CDK7: variants seen among roughly 807,000 people sequenced by gnomAD.
CDK7 encodes cyclin dependent kinase 7.
Under a neutral mutation model 49.1 loss-of-function variants are expected in CDK7, and 25 were observed. That is an observed-to-expected ratio of 0.51 (90% CI 0.37 to 0.71). CDK7 has a LOEUF of 0.71. Ranked by LOEUF, CDK7 falls within the 30% of genes least tolerant of loss-of-function variation. The pLI is 0.00. For missense variants in CDK7, 316 were observed against 411.7 expected (o/e 0.77, Z 2.01); for synonymous variants, 107 against 140.0 (o/e 0.76, Z 1.67).
chr5:69,276,132 G>T (rs1316624149), intron 10 of CDK7, among the ~76,000 whole-genome samples: 1 of 152,036 alleles, frequency 6.6e-6, no homozygotes, highest in Non-Finnish European at 1.5e-5. Context: ...GGGTTCAAGC[G>T]ATTCTCCTAC....
intron 2 of CDK7, among the ~76,000 whole-genome samples, chr5:69,241,301 T>G (rs1749354646): frequency 7.1e-6 from 1 of 140,152 alleles, no homozygotes; most frequent in Admixed American, 7.7e-5. Context: ...TGCTCTCTCA[T>G]TGTAGGTTTT....
At chr5:69,244,094 A>C (rs2150188473) in intron 2 of CDK7, among the ~76,000 whole-genome samples, 2 of 152,178 alleles carry the variant, frequency 1.3e-5, no homozygotes, top group East Asian at 3.9e-4. Context: ...GGCCTCCCAA[A>C]ATGCGGGGAT....
chr5:69,245,042 CATG>C (rs774473188), intron 2 of CDK7, among the ~76,000 whole-genome samples: 3 of 152,090 alleles, frequency 2.0e-5, no homozygotes, highest in Admixed American at 6.6e-5. Context: ...CCCACTTGGT[CATG>C]ATGATCTTTT....
intron 2 of CDK7, among the ~76,000 whole-genome samples, chr5:69,249,698 T>C (rs1253970326): frequency 6.6e-6 from 1 of 152,018 alleles, no homozygotes; most frequent in Admixed American, 6.6e-5. Context: ...AATACAAAAT[T>C]AGCTGGGCAT....
intron 2 of CDK7, among the ~76,000 whole-genome samples, chr5:69,240,411 A>G (rs961993106): frequency 1.3e-5 from 2 of 152,130 alleles, no homozygotes; most frequent in Admixed American, 1.3e-4. Context: ...GAATGTCTGT[A>G]TTTTAGAGAT....
intron 5 of CDK7, among the ~76,000 whole-genome samples, 166 bp from the exon 6 acceptor site, chr5:69,257,877 C>T (rs147424301): frequency 5.3e-5 from 8 of 152,324 alleles, no homozygotes; most frequent in Admixed American, 3.3e-4. Context: ...TCTCCCTACC[C>T]ATCTAACTCT....
At chr5:69,238,327 C>T (rs1221356341) in intron 2 of CDK7, among the ~76,000 whole-genome samples, 1 of 146,106 alleles carries the variant, frequency 6.8e-6, no homozygotes, top group African/African-American at 2.6e-5. Flanking sequence ...GTGTGTTTCC[C>T]TGGCTGGAGT....
chr5:69,245,711 T>C (rs1749707740), intron 2 of CDK7, among the ~76,000 whole-genome samples: 1 of 152,150 alleles, frequency 6.6e-6, no homozygotes, highest in African/African-American at 2.4e-5. Flanking sequence ...TTTTTTATTA[T>C]GGCATCAATC....
At chr5:69,272,857 A>G (rs772644296) in intron 9 of CDK7, 35 bp from the exon 10 acceptor site, 2 of 1,451,496 alleles carry the variant, frequency 1.4e-6, no homozygotes, top group South Asian at 2.7e-5. Context: ...TATGCCTTTA[A>G]TCCTTAAGTT....
rs146532490 is a variant in CDK7 at position 69,238,972 on chromosome 5, A to G, written c.126+3519A>G. On this transcript the variant is annotated intron_variant, in intron 2 of 11. Transcript: ENST00000256443. Reference sequence around the variant, plus strand: ...GATTATTAGATTCCATTATATGACTACACTGAAATTTTCTATCCAAACTCT... The same window carrying G: ...GATTATTAGATTCCATTATATGACTGCACTGAAATTTTCTATCCAAACTCT... Among the ~76,000 whole-genome samples the G allele has an allele frequency of 7.9e-5, 12 of 152,236 alleles. No homozygotes were observed. In the East Asian group the frequency reaches 2.3e-3, roughly 29 times the overall value.
At chr5:69,251,128 C>T (rs1197319928) in intron 2 of CDK7, among the ~76,000 whole-genome samples, 3 of 149,196 alleles carry the variant, frequency 2.0e-5, no homozygotes, top group East Asian at 2.0e-4. Flanking sequence ...GACAGAGTCT[C>T]GCTCTGTCAC....
At chr5:69,259,998 C>G in intron 7 of CDK7, 62 bp downstream of exon 7, 1 of 998,838 alleles carries the variant, frequency 1.0e-6, no homozygotes, top group Non-Finnish European at 1.6e-6. Context: ...CAACTGGCTT[C>G]TCTGAACTAT....
chr5:69,259,075 C>CAA (rs1281310184), intron 6 of CDK7, among the ~76,000 whole-genome samples: 2 of 113,362 alleles, frequency 1.8e-5, no homozygotes, highest in Non-Finnish European at 3.8e-5. Context: ...AACCCTGTCT[C>CAA]AAAAAAAAAA....
At chr5:69,249,895 C>T (rs1440587654) in intron 2 of CDK7, among the ~76,000 whole-genome samples, 1 of 152,208 alleles carries the variant, frequency 6.6e-6, no homozygotes, top group Non-Finnish European at 1.5e-5. Context: ...TGCATCTTTC[C>T]ACTCCAGAAT....
intron 2 of CDK7, among the ~76,000 whole-genome samples, chr5:69,249,559 G>GAA (rs56882342): frequency 6.6e-6 from 1 of 150,632 alleles, no homozygotes; most frequent in Non-Finnish European, 1.5e-5. Flanking sequence ...TCAAAAAAGG[G>GAA]AAAAAAGTGT....
intron 5 of CDK7, chr5:69,255,773 C>A (rs767657985): frequency 1.2e-5 from 6 of 501,224 alleles, no homozygotes; most frequent in East Asian, 3.5e-5. Context: ...GTTCCCATAG[C>A]TAGTTGACGT....
chr5:69,262,064 C>T (rs1312038813), intron 7 of CDK7, 141 bp from the exon 8 acceptor site: 18 of 935,452 alleles, frequency 1.9e-5, no homozygotes, highest in Non-Finnish European at 2.9e-5. Flanking sequence ...TTTAAAACTT[C>T]ATGAAAGAGT....
intron 8 of CDK7, among the ~76,000 whole-genome samples, chr5:69,267,654 C>T (rs1751252232): frequency 6.6e-6 from 1 of 150,574 alleles, no homozygotes; most frequent in Admixed American, 6.7e-5. Context: ...AAAAAGTGAA[C>T]ATTAATTCCT....
chr5:69,251,795 AGT>A (rs1750163263), intron 2 of CDK7, among the ~76,000 whole-genome samples: 1 of 152,202 alleles, frequency 6.6e-6, no homozygotes, highest in Non-Finnish European at 1.5e-5. Context: ...GGCCTGTCAA[AGT>A]GTTGGAATTT....
Sources: gnomAD v4.1 joint callset for allele counts (sites outside exome capture counted in the v4.1 genomes callset) on GRCh38, gnomAD v4.1.1 for gene constraint, MANE v1.5 for transcripts, NCBI Gene and HGNC (gene_info 2026-07-23, HGNC 2026-07-21) for gene names.